The following KATNAL2 variants were observed in gnomAD, a reference collection of about 807,000 sequenced individuals.
KATNAL2 encodes katanin catalytic subunit A1 like 2, also known as katanin p60 ATPase-containing subunit A-like 2.
Under a neutral mutation model 76.3 loss-of-function variants are expected in KATNAL2, and 52 were observed. The ratio of observed to expected loss-of-function variants is 0.68; its 90% CI spans 0.55 to 0.86. The LOEUF (loss-of-function observed/expected upper bound fraction) is 0.86. Among genes scored for constraint, KATNAL2 ranks in the 40% least tolerant of loss-of-function variants. The probability of loss-of-function intolerance (pLI) is 0.00; values close to 1 mark genes in which losing one functional copy is unlikely to be tolerated. For synonymous variants in KATNAL2, 243 were observed against 244.2 expected (o/e 1.00, Z 0.05); for missense variants, 660 against 668.9 (o/e 0.99, Z 0.15).
At chr18:46,947,133 T>C (rs1005373828) in intron 3 of KATNAL2, among the ~76,000 whole-genome samples, 1 of 152,034 alleles carries the variant, frequency 6.6e-6, no homozygotes, top group Admixed American at 6.5e-5. Context: ...ACAGGCGGGT[T>C]TGGGGGTGAC....
At chr18:47,074,381 T>C (rs1008358950) in intron 13 of KATNAL2, among the ~76,000 whole-genome samples, 2 of 152,178 alleles carry the variant, frequency 1.3e-5, no homozygotes, top group Non-Finnish European at 2.9e-5. Flanking sequence ...CCTTTCCCTC[T>C]AATTCTGTGA....
At chr18:47,077,200 G>T in intron 14 of KATNAL2, 151 bp from the exon 15 acceptor site, 1 of 545,458 alleles carries the variant, frequency 1.8e-6, no homozygotes, top group Non-Finnish European at 3.3e-6. Flanking sequence ...ACAGCAAATT[G>T]CTCATTTTCT....
intron 3 of KATNAL2, chr18:47,033,832 G>A (rs762560180): frequency 1.2e-6 from 2 of 1,614,038 alleles, no homozygotes; most frequent in African/African-American, 1.3e-5. Flanking sequence ...GTCAGAATCC[G>A]AAAGCGGATC....
chr18:47,034,448 C>A (rs2060656076), intron 3 of KATNAL2: 8 of 1,614,186 alleles, frequency 5.0e-6, no homozygotes, highest in Non-Finnish European at 6.8e-6. Flanking sequence ...GGCTGCCTGT[C>A]CCTGGCACTT....
At chr18:46,957,741 T>A (rs926462453) in intron 3 of KATNAL2, among the ~76,000 whole-genome samples, 6 of 151,630 alleles carry the variant, frequency 4.0e-5, no homozygotes, top group African/African-American at 4.9e-5. Context: ...TTTGTATTTT[T>A]AGTAGAGACA....
intron 3 of KATNAL2, chr18:47,033,257 C>G (rs1176179658): frequency 1.2e-6 from 2 of 1,613,586 alleles, no homozygotes; most frequent in African/African-American, 2.7e-5. Flanking sequence ...TTGATCTCCC[C>G]ATTTTCGGGG....
chr18:47,078,745 G>A (rs528031867), intron 15 of KATNAL2, among the ~76,000 whole-genome samples: 3 of 152,134 alleles, frequency 2.0e-5, no homozygotes, highest in Non-Finnish European at 4.4e-5. Flanking sequence ...CTAAGAATTT[G>A]TTGAGAAACT....
chr18:47,100,090 GTCTCTTCC>G (rs3217429), intron 16 of KATNAL2, among the ~76,000 whole-genome samples, 156 bp from the exon 17 acceptor site: 10,298 of 152,128 alleles, frequency 0.068, 422 homozygotes, highest in East Asian at 0.13. Flanking sequence ...TGCTAGCAGG[GTCTCTTCC>G]TCAAGCACTG....
intron 1 of KATNAL2, among the ~76,000 whole-genome samples, chr18:46,919,736 G>C (rs553182708): frequency 3.3e-5 from 5 of 152,290 alleles, no homozygotes; most frequent in Admixed American, 6.5e-5. Flanking sequence ...CTAACAAATA[G>C]TTGGCCTTGT....
chr18:46,958,903 C>T (rs750785016), intron 3 of KATNAL2, among the ~76,000 whole-genome samples: 1 of 152,192 alleles, frequency 6.6e-6, no homozygotes, highest in African/African-American at 2.4e-5. Flanking sequence ...TTTGTTTATT[C>T]TCATGTGTCA....
intron 13 of KATNAL2, among the ~76,000 whole-genome samples, chr18:47,073,845 A>G (rs1044257013): frequency 1.3e-5 from 2 of 152,230 alleles, no homozygotes; most frequent in African/African-American, 2.4e-5. Flanking sequence ...ATGATTCTGT[A>G]TATTCCCTAT....
chr18:47,044,987 A>G lies in KATNAL2; in HGVS notation c.52-1470A>G, dbSNP rs1599643849. The stretch of plus-strand genomic sequence containing the variant: ...GTAGTGTGCACCTGTAGTCCCAGCT[A>G]CTGAGGAGACTGAAGCAGAAGGATC... On this transcript the variant is annotated intron_variant, in intron 3 of 17. Coordinates refer to ENST00000683218, the MANE Select transcript of KATNAL2 (RefSeq NM_001387690.1). 2.0e-5 allele frequency among the ~76,000 whole-genome samples: 3 copies of G among 152,160 alleles called. No homozygotes were observed. In the East Asian group the frequency reaches 5.8e-4, roughly 29 times the overall value.
intron 3 of KATNAL2, among the ~76,000 whole-genome samples, chr18:47,043,140 T>G (rs1164692354): frequency 1.3e-5 from 2 of 148,498 alleles, no homozygotes; most frequent in Admixed American, 6.9e-5. Context: ...GGCAGGTGAA[T>G]GGCGTGAACG....
rs568261396 is a variant in KATNAL2 at position 47,097,579 on chromosome 18, T to C, written c.1212-1664T>C. 3.9e-5 allele frequency among the ~76,000 whole-genome samples: 6 copies of C among 152,314 alleles called. No individual in the cohort carries two copies. The East Asian group carries it at 7.7e-4, about 20-fold the overall frequency. On this transcript the variant is annotated intron_variant, in intron 15 of 17. Transcript: ENST00000683218. ...TTCAGAATGTGGGACATTCTCCAGC[T>C]GGCCCTGTTTCTTCAAAAAGGGTCT...
At chr18:47,069,941 T>G (rs1043238944) in intron 13 of KATNAL2, among the ~76,000 whole-genome samples, 3 of 152,162 alleles carry the variant, frequency 2.0e-5, no homozygotes, top group African/African-American at 7.2e-5. Context: ...GTACACTATA[T>G]TTGGTTAACA....
intron 3 of KATNAL2, among the ~76,000 whole-genome samples, chr18:46,961,907 G>T (rs1044697204): frequency 6.6e-6 from 1 of 152,120 alleles, no homozygotes; most frequent in Admixed American, 6.6e-5. Flanking sequence ...TGTAGATGGG[G>T]GTTTGCTACT....
intron 3 of KATNAL2, among the ~76,000 whole-genome samples, chr18:47,042,695 A>G (rs986383124): frequency 6.6e-6 from 1 of 152,252 alleles, no homozygotes; most frequent in East Asian, 1.9e-4. Context: ...GAGACAAAGG[A>G]ATGGAACACT....
At chr18:47,035,072 A>T in intron 3 of KATNAL2, 1 of 1,611,494 alleles carries the variant, frequency 6.2e-7, no homozygotes, top group Non-Finnish European at 8.5e-7. Context: ...TCTCTGGCAA[A>T]GTCGCCCACG....
intron 1 of KATNAL2, among the ~76,000 whole-genome samples, chr18:46,942,618 TCAAA>T (rs150535211): frequency 0.077 from 11,644 of 152,096 alleles, 476 homozygotes; most frequent in African/African-American, 0.099. Context: ...AGACTCCATC[TCAAA>T]CAAACAAACA....
Sources: allele counts gnomAD v4.1 joint callset (sites outside exome capture counted in the v4.1 genomes callset), GRCh38; gene constraint gnomAD v4.1.1; transcripts MANE v1.5; gene names NCBI Gene and HGNC (gene_info 2026-07-23, HGNC 2026-07-21).